MPZL2: variants seen among roughly 807,000 people sequenced by gnomAD.
MPZL2 encodes myelin protein zero like 2.
MPZL2 carries 32 observed loss-of-function variants against 24.5 expected under a neutral mutation model. The ratio of observed to expected loss-of-function variants is 1.31; its 90% CI spans 0.99 to 1.76. MPZL2 has a LOEUF of 1.76. MPZL2 is among the 40% of genes most tolerant of loss of function. The pLI, the probability that MPZL2 is intolerant of heterozygous loss-of-function variation, is 0.00. For synonymous variants in MPZL2, 92 were observed against 97.9 expected (o/e 0.94, Z 0.36); for missense variants, 304 against 274.9 (o/e 1.11, Z -0.75).
Position 118,262,419 on chromosome 11 carries a change from T to A in MPZL2, c.436+19A>T. 1 of 1,612,200 alleles carries A rather than the reference T, an allele frequency of 6.2e-7. No individual in the cohort carries two copies. The highest frequency in any genetic ancestry group is 8.5e-7 in the Non-Finnish European group (1 of 1,179,136). ...AAGCTCTCATCCTTTCCAAAACCAC[T>A]GTTCCCTGCATAACCTACCAGTGTG... On this transcript the variant is annotated intron_variant, in intron 3 of 5. Transcript: ENST00000278937.
intron 2 of MPZL2, 114 bp downstream of exon 2, chr11:118,262,817 G>T: frequency 7.0e-7 from 1 of 1,427,410 alleles, no homozygotes; most frequent in African/African-American, 1.4e-5. Context: ...AATTGTTTCC[G>T]AGCTTAACCT....
intron 3 of MPZL2, among the ~76,000 whole-genome samples, chr11:118,262,072 GTGCC>G (rs1296341727): frequency 6.6e-6 from 1 of 152,186 alleles, no homozygotes; most frequent in African/African-American, 2.4e-5. Context: ...ACTTTTGACG[GTGCC>G]TAGCATTAGA....
intron 4 of MPZL2, among the ~76,000 whole-genome samples, chr11:118,258,180 C>T (rs976832638): frequency 6.6e-6 from 1 of 152,096 alleles, no homozygotes; most frequent in Non-Finnish European, 1.5e-5. Flanking sequence ...CTATAAAACT[C>T]TTAGAAGAAA....
chr11:118,264,091 C>T lies in MPZL2; in HGVS notation c.58+5G>A, dbSNP rs753850623. 10 of 1,612,992 alleles carry T rather than the reference C, an allele frequency of 6.2e-6. No individual in the cohort carries two copies. Among genetic ancestry groups the T allele is most frequent in the South Asian group, 5.5e-5 (5 of 91,070 alleles). Reference sequence around the variant, plus strand: ...AAACTCTGAGAGAAGCCCGCCGGCTCTTACCTGTGAGCTGTATGCCAAGGA... The same window carrying T: ...AAACTCTGAGAGAAGCCCGCCGGCTTTTACCTGTGAGCTGTATGCCAAGGA... On this transcript the variant is annotated splice_donor_5th_base_variant and intron_variant, in intron 1 of 5. Transcript: ENST00000278937.
intron 3 of MPZL2, 67 bp from the exon 4 acceptor site, chr11:118,260,268 T>A: frequency 6.7e-7 from 1 of 1,498,778 alleles, no homozygotes; most frequent in Non-Finnish European, 9.1e-7. Context: ...TCTAATGACA[T>A]AATAGGGATG....
chr11:118,262,535 CA>C lies in MPZL2; in HGVS notation c.338del (p.Leu113ArgfsTer13), dbSNP rs1949707370. 6.2e-7 allele frequency: 1 copy of C among 1,614,076 alleles called. No homozygotes were observed. The highest frequency in any genetic ancestry group is 8.5e-7 in the Non-Finnish European group (1 of 1,180,044). ...TGTATGTCCCATTGTCGTCGAACTG[CA>C]GTTTCCAGAGAAGGATGGAGGCATC... ...RYDASILLWKLQFDDNGTYTC... is the reference protein window; with the variant it reads ...RYDASILLWKXQFDDNGTYTC... On this transcript the variant is annotated frameshift_variant, in exon 3 of 6. Coordinates refer to ENST00000278937, the MANE Select transcript of MPZL2 (RefSeq NM_005797.4). LOFTEE classifies it high-confidence loss of function.
Position 118,260,071 on chromosome 11 carries a change from T to C in MPZL2, c.567A>G (p.Lys189=). The C allele has an allele frequency of 6.2e-7, 1 of 1,614,006 alleles. No homozygotes were observed. Residue 189 remains lysine, a synonymous_variant, in exon 4 of 6, where the codon AAA becomes AAG. Coordinates refer to ENST00000278937, the MANE Select transcript of MPZL2 (RefSeq NM_005797.4). The part of the protein sequence containing the change: ...RKKRWAERAH[K]VVEIKSKEEE... ...AGCCTTACGATTTTATCTCCACCAC[T>C]TTATGAGCTCTTTCGGCCCATCGCT...
chr11:118,260,315 C>T (rs976314816), intron 3 of MPZL2, 114 bp from the exon 4 acceptor site: 44 of 1,074,052 alleles, frequency 4.1e-5, no homozygotes, highest in Non-Finnish European at 5.4e-5. Flanking sequence ...TTTATCCTAC[C>T]TTTATGCATA....
chr11:118,257,046 T>G, intron 5 of MPZL2, 192 bp downstream of exon 5: 1 of 390,704 alleles, frequency 2.6e-6, no homozygotes, highest in Non-Finnish European at 4.5e-6. Flanking sequence ...CTTAATCTTT[T>G]GCACAAAATA....
chr11:118,260,011 G>T lies in MPZL2; in HGVS notation c.584+43C>A, dbSNP rs757050564. 1.0e-5 allele frequency: 16 copies of T among 1,606,596 alleles called. No individual in the cohort carries two copies. In the Admixed American group the frequency reaches 2.0e-4, roughly 20 times the overall value. ...AGCCCACTGCAAAATACCAAGAGTC[G>T]CCATAAGAGTGTTAGAACTTTCCCA... is the stretch of plus-strand genomic sequence containing the variant. On this transcript the variant is annotated intron_variant, in intron 4 of 5. Coordinates refer to ENST00000278937, the MANE Select transcript of MPZL2 (RefSeq NM_005797.4).
At position 118,264,209 on chromosome 11, in the gene MPZL2, C is replaced by G. The variant is rs1254655592; in HGVS notation, c.-56G>C. ...GGACGGGGCAGACCGAGGGCTCCAA[C>G]ACCCTGCCAAGGCCACTCCGGGAGG... On this transcript the variant is annotated 5_prime_UTR_variant, in exon 1 of 6. Transcript: ENST00000278937. 3.8e-6 allele frequency: 6 copies of G among 1,577,518 alleles called. No homozygotes were observed. Among genetic ancestry groups the G allele is most frequent in the Admixed American group, 3.3e-5 (2 of 59,838 alleles).
At chr11:118,256,596 C>T (rs577026688) in intron 5 of MPZL2, among the ~76,000 whole-genome samples, 1 of 152,134 alleles carries the variant, frequency 6.6e-6, no homozygotes, top group African/African-American at 2.4e-5. Context: ...GTTGCAGTGA[C>T]CCGAGATCGC....
intron 4 of MPZL2, among the ~76,000 whole-genome samples, chr11:118,258,877 C>T (rs546838132): frequency 2.3e-4 from 35 of 152,246 alleles, no homozygotes; most frequent in African/African-American, 8.4e-4. Flanking sequence ...GAGGCCTCCT[C>T]AGGAGCCAAC....
intron 4 of MPZL2, chr11:118,259,753 C>T (rs1949686348): frequency 9.3e-6 from 2 of 214,758 alleles, no homozygotes; most frequent in African/African-American, 2.3e-5. Flanking sequence ...GTGGTTTTTA[C>T]AAATGTATGC....
At chr11:118,262,179 A>G (rs987519348) in intron 3 of MPZL2, among the ~76,000 whole-genome samples, 7 of 152,042 alleles carry the variant, frequency 4.6e-5, no homozygotes, top group African/African-American at 1.7e-4. Context: ...CCCTTTCACA[A>G]TCTCAATGCC....
chr11:118,255,670 GCTT>G (rs1255305975), intron 5 of MPZL2, among the ~76,000 whole-genome samples: 2 of 98,148 alleles, frequency 2.0e-5, no homozygotes. Context: ...TGTTTTATTT[GCTT>G]TTTTCCTATG....
chr11:118,259,852 T>G, intron 4 of MPZL2: 2 of 532,636 alleles, frequency 3.8e-6, no homozygotes, highest in Non-Finnish European at 6.2e-6. Context: ...AGAAATCCCA[T>G]AAGGAAATAT....
intron 4 of MPZL2, chr11:118,259,249 C>T (rs1346246463): frequency 2.0e-5 from 3 of 152,102 alleles, no homozygotes; most frequent in Non-Finnish European, 2.9e-5. Context: ...CAACAGCCAA[C>T]AAGCAGAAAA....
chr11:118,262,708 T>C (rs1038449422), intron 2 of MPZL2, 60 bp from the exon 3 acceptor site: 14 of 1,547,372 alleles, frequency 9.0e-6, no homozygotes, highest in Admixed American at 5.2e-5. Context: ...GAGGCCAAGA[T>C]GGTGGGAGCG....
Sources: allele counts gnomAD v4.1 joint callset (sites outside exome capture counted in the v4.1 genomes callset), GRCh38; gene constraint gnomAD v4.1.1; transcripts MANE v1.5; gene names NCBI Gene and HGNC (gene_info 2026-07-23, HGNC 2026-07-21).